ASAP1: variants seen among roughly 807,000 people sequenced by gnomAD.
The protein encoded by ASAP1 is ArfGAP with SH3 domain, ankyrin repeat and PH domain 1.
A neutral mutation model predicts 145.2 loss-of-function variants in ASAP1; 43 were observed. The ratio of observed to expected loss-of-function variants is 0.30; its 90% CI spans 0.23 to 0.38. ASAP1 has a LOEUF of 0.38. ASAP1 is among the 10% of genes least tolerant of loss of function. ASAP1 has a pLI of 1.00. For synonymous variants in ASAP1, 546 were observed against 515.5 expected (o/e 1.06, Z -0.80); for missense variants, 1,018 against 1,355.3 (o/e 0.75, Z 3.91).
At chr8:130,089,739 C>T (rs1043203350) in intron 25 of ASAP1, among the ~76,000 whole-genome samples, 7 of 152,310 alleles carry the variant, frequency 4.6e-5, no homozygotes, top group African/African-American at 1.4e-4. Context: ...TGTATGAATG[C>T]ACCCACACAT....
intron 27 of ASAP1, among the ~76,000 whole-genome samples, chr8:130,063,418 C>G (rs77159330): frequency 0.016 from 2,440 of 152,296 alleles, 35 homozygotes; most frequent in East Asian, 0.064. Flanking sequence ...TGTTCCACAT[C>G]CTCTCTCCGC....
At chr8:130,131,538 AGGATGGCTTG>A (rs1256180049) in intron 15 of ASAP1, among the ~76,000 whole-genome samples, 1 of 133,686 alleles carries the variant, frequency 7.5e-6, no homozygotes, top group African/African-American at 2.8e-5. Context: ...TCGAGGTGGG[AGGATGGCTTG>A]AGCTCAGGAG....
intron 1 of ASAP1, among the ~76,000 whole-genome samples, chr8:130,407,916 T>C (rs1829105693): frequency 1.3e-5 from 2 of 152,244 alleles, no homozygotes; most frequent in Admixed American, 6.5e-5. Context: ...TTTTTCCCCA[T>C]AATATCAAAC....
chr8:130,197,776 G>T (rs935651754), intron 5 of ASAP1, among the ~76,000 whole-genome samples: 6 of 152,232 alleles, frequency 3.9e-5, no homozygotes, highest in Non-Finnish European at 5.9e-5. Flanking sequence ...CCTTGTCTAT[G>T]AGAAACGTCC....
chr8:130,236,307 T>C (rs968249461), intron 4 of ASAP1, among the ~76,000 whole-genome samples: 18 of 152,050 alleles, frequency 1.2e-4, no homozygotes, highest in African/African-American at 4.4e-4. Flanking sequence ...TACCATTTTT[T>C]GTGGTTACTC....
intron 4 of ASAP1, among the ~76,000 whole-genome samples, chr8:130,229,468 G>T (rs1817780005): frequency 6.6e-6 from 1 of 152,146 alleles, no homozygotes. Flanking sequence ...GCAAGATATA[G>T]GTAAAGCCAT....
At chr8:130,415,109 A>G (rs1049125996) in intron 1 of ASAP1, among the ~76,000 whole-genome samples, 2 of 152,230 alleles carry the variant, frequency 1.3e-5, no homozygotes, top group African/African-American at 4.8e-5. Context: ...TCAATAAATT[A>G]TCTGTTGATG....
At chr8:130,413,916 TCATTTATG>T (rs1345272011) in intron 1 of ASAP1, among the ~76,000 whole-genome samples, 1 of 151,978 alleles carries the variant, frequency 6.6e-6, no homozygotes, top group Non-Finnish European at 1.5e-5. Context: ...ATTCATTCAT[TCATTTATG>T]TAACACTCCA....
At position 130,133,142 on chromosome 8, in the gene ASAP1, T is replaced by C. The variant is rs992856201; in HGVS notation, c.1217+1154A>G. On this transcript the variant is annotated intron_variant, in intron 15 of 29. Coordinates refer to ENST00000518721, the MANE Select transcript of ASAP1 (RefSeq NM_018482.4). ...GGTCCAAATTACCCCAAGTACTCATTAGAAATAAAAAAAAAAAAAGTGAAC... is the reference window on the plus strand; with the variant it reads ...GGTCCAAATTACCCCAAGTACTCATCAGAAATAAAAAAAAAAAAAGTGAAC... Among the ~76,000 whole-genome samples, 4 of 150,542 alleles carry C rather than the reference T, an allele frequency of 2.7e-5. No homozygotes were observed. In the East Asian group the frequency reaches 7.8e-4, roughly 29 times the overall value.
At chr8:130,204,612 CAGTTCAA>C (rs1816085396) in intron 5 of ASAP1, among the ~76,000 whole-genome samples, 1 of 152,188 alleles carries the variant, frequency 6.6e-6, no homozygotes, top group Admixed American at 6.5e-5. Flanking sequence ...GCCAAGATCA[CAGTTCAA>C]ACCAATGAAC....
At chr8:130,336,619 T>C (rs917241106) in intron 3 of ASAP1, among the ~76,000 whole-genome samples, 14 of 152,196 alleles carry the variant, frequency 9.2e-5, no homozygotes, top group African/African-American at 3.4e-4. Flanking sequence ...TCGGCATCTA[T>C]CATGTGATGC....
chr8:130,255,973 C>T (rs551679796), intron 3 of ASAP1, among the ~76,000 whole-genome samples: 4 of 152,276 alleles, frequency 2.6e-5, no homozygotes, highest in South Asian at 2.1e-4. Flanking sequence ...ACAGCTGGTT[C>T]TTAACATGCA....
At chr8:130,399,462 A>G (rs1185989603) in intron 2 of ASAP1, among the ~76,000 whole-genome samples, 1 of 152,214 alleles carries the variant, frequency 6.6e-6, no homozygotes, top group African/African-American at 2.4e-5. Context: ...AGAAAAAAAC[A>G]AAATAAACAT....
At chr8:130,151,947 T>C (rs1253618155) in intron 13 of ASAP1, among the ~76,000 whole-genome samples, 2 of 152,230 alleles carry the variant, frequency 1.3e-5, no homozygotes, top group Non-Finnish European at 2.9e-5. Context: ...TCTTCATCTG[T>C]AAAATGAAGG....
intron 3 of ASAP1, among the ~76,000 whole-genome samples, chr8:130,319,222 T>C (rs573001167): frequency 5.3e-5 from 8 of 152,340 alleles, no homozygotes; most frequent in Non-Finnish European, 1.0e-4. Context: ...CTCATTTATG[T>C]TACTGTTGCA....
chr8:130,336,833 A>G (rs1432018242), intron 3 of ASAP1, among the ~76,000 whole-genome samples: 3 of 152,238 alleles, frequency 2.0e-5, no homozygotes, highest in African/African-American at 7.2e-5. Flanking sequence ...AAAAGATACT[A>G]AACTCCCAAT....
At chr8:130,122,200 T>C (rs911413329) in intron 18 of ASAP1, among the ~76,000 whole-genome samples, 4 of 152,192 alleles carry the variant, frequency 2.6e-5, no homozygotes, top group Admixed American at 1.3e-4. Flanking sequence ...TAACACCTAA[T>C]ACAATGTGTA....
At position 130,215,723 on chromosome 8, in the gene ASAP1, AAC is replaced by A. The variant is rs368424770; in HGVS notation, c.260-1024_260-1023del. Among the ~76,000 whole-genome samples, 26 of 152,168 alleles carry A rather than the reference AAC, an allele frequency of 1.7e-4. No homozygotes were observed. In the East Asian group the frequency reaches 3.9e-3, roughly 23 times the overall value. ...CGCGTCACTGCACTCCAGCCTGAGC[AAC>A]AGAGTGAGACTCTGTCTCAAAACAA... is the stretch of plus-strand genomic sequence containing the variant. On this transcript the variant is annotated intron_variant, in intron 4 of 29. Coordinates refer to ENST00000518721, the MANE Select transcript of ASAP1 (RefSeq NM_018482.4).
intron 3 of ASAP1, among the ~76,000 whole-genome samples, chr8:130,336,991 G>A (rs1157587575): frequency 6.6e-6 from 1 of 152,138 alleles, no homozygotes; most frequent in Non-Finnish European, 1.5e-5. Context: ...AGAACCCCTG[G>A]AAGGATCCTG....
Sources: gnomAD v4.1 joint callset for allele counts (sites outside exome capture counted in the v4.1 genomes callset) on GRCh38, gnomAD v4.1.1 for gene constraint, MANE v1.5 for transcripts, NCBI Gene and HGNC (gene_info 2026-07-23, HGNC 2026-07-21) for gene names.